OXR1: variants seen among roughly 807,000 people sequenced by gnomAD.
The protein encoded by OXR1 is oxidation resistance 1.
A neutral mutation model predicts 104.6 loss-of-function variants in OXR1; 41 were observed. The observed-to-expected ratio is 0.39, with a 90% CI of 0.31 to 0.51. The LOEUF (loss-of-function observed/expected upper bound fraction) is 0.51, where lower values mean the gene tolerates loss of function less well. Ranked by LOEUF, OXR1 falls within the 20% of genes least tolerant of loss-of-function variation. The pLI, the probability that OXR1 is intolerant of heterozygous loss-of-function variation, is 0.77. For synonymous variants in OXR1, 348 were observed against 348.4 expected (o/e 1.00, Z 0.01); for missense variants, 955 against 1,031.9 (o/e 0.93, Z 1.02).
intron 2 of OXR1, among the ~76,000 whole-genome samples, chr8:106,459,212 A>G (rs1175386402): frequency 6.6e-6 from 1 of 152,092 alleles, no homozygotes; most frequent in Non-Finnish European, 1.5e-5. Context: ...AGGTGGTTAT[A>G]TCACCTCTTA....
intron 1 of OXR1, among the ~76,000 whole-genome samples, chr8:106,314,167 G>T (rs1305897276): frequency 6.6e-6 from 1 of 152,164 alleles, no homozygotes; most frequent in Non-Finnish European, 1.5e-5. Flanking sequence ...ATCCAAGATT[G>T]CAGGGACCCT....
At chr8:106,294,038 C>T (rs1812872925) in intron 1 of OXR1, among the ~76,000 whole-genome samples, 1 of 124,282 alleles carries the variant, frequency 8.0e-6, no homozygotes, top group East Asian at 2.2e-4. Context: ...TTTAAAAAGT[C>T]AATTACTTTG....
At chr8:106,576,466 CAAA>C (rs55917847) in intron 3 of OXR1, among the ~76,000 whole-genome samples, 2 of 112,446 alleles carry the variant, frequency 1.8e-5, no homozygotes, top group Non-Finnish European at 1.8e-5. Flanking sequence ...CACAGTTATT[CAAA>C]AAAAAAAAAA....
chr8:106,655,332 G>A (rs1170115517), intron 3 of OXR1, among the ~76,000 whole-genome samples: 2 of 151,610 alleles, frequency 1.3e-5, no homozygotes, highest in East Asian at 3.9e-4. Flanking sequence ...TGAGGCAAAA[G>A]GTAGCGTGAA....
At chr8:106,305,984 TTTGAG>T (rs1020946874) in intron 1 of OXR1, among the ~76,000 whole-genome samples, 4 of 152,046 alleles carry the variant, frequency 2.6e-5, no homozygotes, top group Admixed American at 6.6e-5. Flanking sequence ...AAGCAACATG[TTTGAG>T]TTATTTCTTA....
chr8:106,271,703 A>G (rs1169531921), intron 1 of OXR1: 4 of 152,184 alleles, frequency 2.6e-5, no homozygotes, highest in African/African-American at 9.7e-5. Context: ...TCCTTTTCCC[A>G]GGGTAGCATT....
intron 3 of OXR1, among the ~76,000 whole-genome samples, chr8:106,592,155 A>G (rs1270358420): frequency 1.3e-5 from 2 of 152,220 alleles, no homozygotes; most frequent in Non-Finnish European, 2.9e-5. Context: ...CCTTTTCCCT[A>G]TTAAATTAAA....
intron 2 of OXR1, among the ~76,000 whole-genome samples, chr8:106,515,309 T>C (rs1453447874): frequency 6.6e-6 from 1 of 152,162 alleles, no homozygotes; most frequent in Non-Finnish European, 1.5e-5. Context: ...ATTTATTTTT[T>C]GTGGTGACAA....
intron 2 of OXR1, among the ~76,000 whole-genome samples, chr8:106,504,515 G>T (rs1329325199): frequency 1.3e-5 from 2 of 152,144 alleles, no homozygotes; most frequent in Admixed American, 6.5e-5. Context: ...ACCTCAAGTG[G>T]CTGATAGCAA....
chr8:106,615,056 T>C (rs1040286715), intron 3 of OXR1, among the ~76,000 whole-genome samples: 10 of 152,168 alleles, frequency 6.6e-5, no homozygotes, highest in African/African-American at 2.4e-4. Context: ...TGATGGCTTA[T>C]GCCTGTCATC....
intron 3 of OXR1, among the ~76,000 whole-genome samples, chr8:106,539,076 A>G (rs1725832658): frequency 6.6e-6 from 1 of 152,218 alleles, no homozygotes; most frequent in African/African-American, 2.4e-5. Flanking sequence ...CTCTGGGTAC[A>G]TGTCATACTA....
chr8:106,363,201 T>G lies in OXR1; in HGVS notation c.23+3565T>G, dbSNP rs574194052. ...TGTGCTAAGCACAGGGAAACAGTAT[T>G]GGTTAAAAGTAATGACTGCTCTTTT... On this transcript the variant is annotated intron_variant, in intron 2 of 16. Transcript: ENST00000517566. Among the ~76,000 whole-genome samples the G allele has an allele frequency of 2.0e-5, 3 of 152,320 alleles. No homozygotes were observed. The East Asian group carries it at 5.8e-4, about 29-fold the overall frequency.
intron 3 of OXR1, among the ~76,000 whole-genome samples, chr8:106,574,986 A>T (rs1817727011): frequency 6.6e-6 from 1 of 152,128 alleles, no homozygotes; most frequent in Non-Finnish European, 1.5e-5. Context: ...TCTCCATGTG[A>T]CTTTTCATTT....
chr8:106,535,048 C>T (rs1465623932), intron 3 of OXR1, among the ~76,000 whole-genome samples: 3 of 152,000 alleles, frequency 2.0e-5, no homozygotes, highest in East Asian at 1.9e-4. Context: ...CTGCAAGCTC[C>T]GCCTCCCGGG....
chr8:106,697,143 G>C lies in OXR1; in HGVS notation c.675+4266G>C, dbSNP rs908415054. Among the ~76,000 whole-genome samples the C allele has an allele frequency of 3.6e-4, 55 of 152,314 alleles. 4 individuals carry two copies. The highest frequency in any genetic ancestry group is 2.7e-3 in the Admixed American group (41 of 15,306). ...AAAAGGAGAGACAGAACAGGCCAGG[G>C]CATGGCGGTGAGGGACTGAGGCCCC... is the stretch of plus-strand genomic sequence containing the variant. On this transcript the variant is annotated intron_variant, in intron 7 of 16. Coordinates refer to ENST00000517566, the MANE Select transcript of OXR1 (RefSeq NM_001198533.2).
intron 2 of OXR1, among the ~76,000 whole-genome samples, chr8:106,429,111 G>A (rs1819255071): frequency 6.6e-6 from 1 of 152,088 alleles, no homozygotes; most frequent in Admixed American, 6.5e-5. Context: ...CGGCTTTATT[G>A]TCCTGGGCTC....
At chr8:106,734,038 T>C (rs2131539922) in intron 11 of OXR1, among the ~76,000 whole-genome samples, 1 of 150,274 alleles carries the variant, frequency 6.7e-6, no homozygotes, top group Middle Eastern at 3.4e-3. Context: ...TTGCCCAGGA[T>C]GGAGTGCAGT....
chr8:106,683,976 A>C (rs1828440232), intron 5 of OXR1, among the ~76,000 whole-genome samples: 3 of 152,188 alleles, frequency 2.0e-5, no homozygotes, highest in Admixed American at 2.0e-4. Context: ...AAATTTTGCT[A>C]GCTATTGCCA....
At chr8:106,637,737 A>T (rs563893992) in intron 3 of OXR1, among the ~76,000 whole-genome samples, 1 of 148,176 alleles carries the variant, frequency 6.7e-6, no homozygotes, top group Non-Finnish European at 1.5e-5. Context: ...CTAAGAGTAT[A>T]CTCTAGACAC....
Sources: gnomAD v4.1 joint callset for allele counts (sites outside exome capture counted in the v4.1 genomes callset) on GRCh38, gnomAD v4.1.1 for gene constraint, MANE v1.5 for transcripts, NCBI Gene and HGNC (gene_info 2026-07-23, HGNC 2026-07-21) for gene names.